MEGF11: variants seen among roughly 807,000 people sequenced by gnomAD.
MEGF11 encodes multiple EGF like domains 11.
Under a neutral mutation model 146.6 loss-of-function variants are expected in MEGF11, and 126 were observed. That is an observed-to-expected ratio of 0.86 (90% CI 0.74 to 1.00). The LOEUF (loss-of-function observed/expected upper bound fraction) is 1.00, where lower values mean the gene tolerates loss of function less well. Among genes scored for constraint, MEGF11 ranks in the 50% least tolerant of loss-of-function variants. The pLI is 0.00. For synonymous variants in MEGF11, 532 were observed against 583.4 expected (o/e 0.91, Z 1.27); for missense variants, 1,509 against 1,521.2 (o/e 0.99, Z 0.13).
chr15:66,204,855 A>G (rs1043402081), intron 1 of MEGF11, among the ~76,000 whole-genome samples: 4 of 152,264 alleles, frequency 2.6e-5, no homozygotes, highest in African/African-American at 9.6e-5. Flanking sequence ...AAGCACAACT[A>G]AAACCCCTGG....
At chr15:66,205,981 G>A (rs2091289902) in intron 1 of MEGF11, among the ~76,000 whole-genome samples, 1 of 152,204 alleles carries the variant, frequency 6.6e-6, no homozygotes, top group Non-Finnish European at 1.5e-5. Context: ...AAATGACAGA[G>A]ATGTTAAAAA....
At chr15:66,045,368 G>A (rs2084163199) in intron 5 of MEGF11, among the ~76,000 whole-genome samples, 3 of 152,332 alleles carry the variant, frequency 2.0e-5, no homozygotes, top group Admixed American at 2.0e-4. Flanking sequence ...AGGAGAGAGG[G>A]GAGGGATGGG....
At chr15:65,926,933 G>A (rs562060061) in intron 13 of MEGF11, among the ~76,000 whole-genome samples, 5 of 152,340 alleles carry the variant, frequency 3.3e-5, no homozygotes, top group South Asian at 2.1e-4. Context: ...CAGGGCAGGG[G>A]AAGCCAGGCT....
In MEGF11 at chr15:65,982,520, G is replaced by A; in HGVS notation, c.395-32C>T. 6.9e-7 allele frequency: 1 copy of A among 1,445,618 alleles called. No individual in the cohort carries two copies. The highest frequency in any genetic ancestry group is 9.1e-7 in the Non-Finnish European group (1 of 1,101,468). 89.5% of individuals were successfully genotyped at this position (1,445,618 alleles called of 1,614,324 possible). A position where few individuals can be genotyped will look rare whatever the true frequency, so the allele number is the denominator to read the frequency against. On this transcript the variant is annotated intron_variant, in intron 5 of 25. Coordinates refer to ENST00000395614, the MANE Select transcript of MEGF11 (RefSeq NM_001385028.1). This position sits in a 1 kb window ranked among gnomAD's most constrained non-coding sequence, Gnocchi z 5.6. ...GAGACGGGACAGTCAGGGATCAGGA[G>A]CCCCGAAGGCTCTCCTTGGGGCAGG...
intron 5 of MEGF11, among the ~76,000 whole-genome samples, chr15:66,047,974 A>G (rs1280925735): frequency 2.1e-5 from 3 of 143,144 alleles, no homozygotes; most frequent in African/African-American, 7.8e-5. Context: ...TTCTTTTTTG[A>G]CAGAGCCTCT....
chr15:65,954,558 AG>A (rs1297566933), intron 10 of MEGF11, among the ~76,000 whole-genome samples: 4 of 152,146 alleles, frequency 2.6e-5, no homozygotes, highest in Non-Finnish European at 4.4e-5. Context: ...GCTGGGTGGG[AG>A]GAGATGGATG....
intron 4 of MEGF11, among the ~76,000 whole-genome samples, chr15:66,095,804 ATTG>A (rs1340788037): frequency 1.3e-5 from 2 of 152,080 alleles, no homozygotes; most frequent in African/African-American, 4.8e-5. Flanking sequence ...GGTCCTTCTG[ATTG>A]CCACAGGTAG....
At chr15:66,218,395 A>G (rs1483188355) in intron 1 of MEGF11, among the ~76,000 whole-genome samples, 1 of 152,114 alleles carries the variant, frequency 6.6e-6, no homozygotes, top group Non-Finnish European at 1.5e-5. Context: ...GCTCCCCAAC[A>G]AGAGTCATCA....
intron 1 of MEGF11, among the ~76,000 whole-genome samples, chr15:66,210,464 A>G (rs954199530): frequency 6.6e-6 from 1 of 152,150 alleles, no homozygotes; most frequent in Admixed American, 6.5e-5. Context: ...CCAGAGGAAC[A>G]AAGTTTGATC....
intron 15 of MEGF11, among the ~76,000 whole-genome samples, chr15:65,921,510 C>T (rs1278496853): frequency 6.6e-6 from 1 of 152,190 alleles, no homozygotes; most frequent in South Asian, 2.1e-4. Flanking sequence ...AAGCTAAGGC[C>T]CAGCTGAAGT....
At chr15:66,062,507 G>A (rs2084945467) in intron 5 of MEGF11, among the ~76,000 whole-genome samples, 1 of 152,142 alleles carries the variant, frequency 6.6e-6, no homozygotes, top group African/African-American at 2.4e-5. Flanking sequence ...GCTACAGTGA[G>A]ATAAATTCTG....
chr15:66,036,879 C>T (rs1176078471), intron 5 of MEGF11, among the ~76,000 whole-genome samples: 2 of 152,168 alleles, frequency 1.3e-5, no homozygotes, highest in African/African-American at 2.4e-5. Context: ...TATCAACTTC[C>T]CCTTCCCCTC....
At chr15:66,122,231 T>C in intron 3 of MEGF11, among the ~76,000 whole-genome samples, 1 of 148,044 alleles carries the variant, frequency 6.8e-6, no homozygotes, top group Admixed American at 6.8e-5. Flanking sequence ...GCCACTGCAC[T>C]CCAGCCTGGG....
intron 1 of MEGF11, among the ~76,000 whole-genome samples, chr15:66,207,942 C>G (rs889025329): frequency 2.6e-5 from 4 of 151,968 alleles, no homozygotes; most frequent in Admixed American, 1.3e-4. Context: ...AAAAATTAGC[C>G]AGGTGTGGTA....
chr15:66,233,629 C>G (rs987277165), intron 1 of MEGF11, among the ~76,000 whole-genome samples: 1 of 152,190 alleles, frequency 6.6e-6, no homozygotes, highest in Non-Finnish European at 1.5e-5. Context: ...ACAGCAAATG[C>G]CTGTCCAGCA....
Position 66,123,888 on chromosome 15 carries a change from G to A in MEGF11, c.200+11C>T, listed in dbSNP as rs2088187405. 6.2e-7 allele frequency: 1 copy of A among 1,606,600 alleles called. No homozygotes were observed. Among genetic ancestry groups the A allele is most frequent in the Non-Finnish European group, 8.5e-7 (1 of 1,173,272 alleles). On this transcript the variant is annotated intron_variant, in intron 3 of 25. Coordinates refer to ENST00000395614, the MANE Select transcript of MEGF11 (RefSeq NM_001385028.1). Reference sequence around the variant, plus strand: ...CTTTTCCCTGCCCCATCATCTGAGAGAGGTACTCACCGGTGCCTGGTGCAC... The same window carrying A: ...CTTTTCCCTGCCCCATCATCTGAGAAAGGTACTCACCGGTGCCTGGTGCAC...
intron 1 of MEGF11, among the ~76,000 whole-genome samples, chr15:66,168,590 G>A (rs545041256): frequency 1.3e-5 from 2 of 152,332 alleles, no homozygotes; most frequent in East Asian, 1.9e-4. Flanking sequence ...GAGATGTGCT[G>A]TTTCAAATAT....
At chr15:66,192,710 T>TC (rs1249471033) in intron 1 of MEGF11, among the ~76,000 whole-genome samples, 1 of 152,104 alleles carries the variant, frequency 6.6e-6, no homozygotes, top group Non-Finnish European at 1.5e-5. Context: ...TTCTCAGCCT[T>TC]CCCATAAAGG....
chr15:66,138,849 C>T (rs1391001307), intron 1 of MEGF11, among the ~76,000 whole-genome samples: 1 of 152,176 alleles, frequency 6.6e-6, no homozygotes, highest in African/African-American at 2.4e-5. Flanking sequence ...ATCAGCATGG[C>T]TGGGTTTGGC....
Sources: allele counts gnomAD v4.1 joint callset (sites outside exome capture counted in the v4.1 genomes callset), GRCh38; gene constraint gnomAD v4.1.1; non-coding constraint Gnocchi (gnomAD v3.1); transcripts MANE v1.5; gene names NCBI Gene and HGNC (gene_info 2026-07-23, HGNC 2026-07-21).